The following DNAAF11 variants were observed in gnomAD, a reference collection of about 807,000 sequenced individuals.
The protein encoded by DNAAF11 is dynein axonemal assembly factor 11, also known as leucine rich repeat containing 6.
In DNAAF11, 45 loss-of-function variants were observed where a neutral mutation model predicts 60.8. The observed-to-expected ratio is 0.74, with a 90% CI of 0.58 to 0.95. The LOEUF (loss-of-function observed/expected upper bound fraction) is 0.95, where lower values mean the gene tolerates loss of function less well. Ranked by LOEUF, DNAAF11 falls within the 40% of genes least tolerant of loss-of-function variation. The pLI is 0.00. For missense variants in DNAAF11, 546 were observed against 546.2 expected, an observed-to-expected ratio of 1.00 and a Z score of 0.00; for synonymous variants, 191 against 183.5, an observed-to-expected ratio of 1.04 and a Z score of -0.33.
intron 8 of DNAAF11, 105 bp downstream of exon 8, chr8:132,614,933 T>G: frequency 1.6e-6 from 1 of 620,904 alleles, no homozygotes; most frequent in Non-Finnish European, 2.9e-6. Flanking sequence ...CATTTAACTA[T>G]AGGTCTAAGT....
At chr8:132,671,955 A>G (rs1825229547) in intron 1 of DNAAF11, among the ~76,000 whole-genome samples, 2 of 152,188 alleles carry the variant, frequency 1.3e-5, no homozygotes, top group African/African-American at 4.8e-5. Flanking sequence ...TAAACTTAGC[A>G]AAGATTTCTT....
At chr8:132,652,604 T>C (rs1366108734) in intron 3 of DNAAF11, among the ~76,000 whole-genome samples, 1 of 152,152 alleles carries the variant, frequency 6.6e-6, no homozygotes, top group East Asian at 1.9e-4. Context: ...TGGAATACTA[T>C]GCAGCCATAA....
the DNAAF11 span, among the ~76,000 whole-genome samples, chr8:132,701,857 A>T: frequency 6.6e-6 from 1 of 151,894 alleles, no homozygotes; most frequent in Admixed American, 6.6e-5. Context: ...CACATGATTG[A>T]CCCCAGATGG....
intron 3 of DNAAF11, among the ~76,000 whole-genome samples, chr8:132,647,249 G>A (rs757034270): frequency 6.6e-6 from 1 of 152,070 alleles, no homozygotes; most frequent in Non-Finnish European, 1.5e-5. Flanking sequence ...TAACTACTGG[G>A]TACATAACGA....
the DNAAF11 span, among the ~76,000 whole-genome samples, chr8:132,696,791 A>G: frequency 6.6e-6 from 1 of 152,212 alleles, no homozygotes. Context: ...ATGCAGAAAC[A>G]GAACACCAAA....
intron 11 of DNAAF11, among the ~76,000 whole-genome samples, chr8:132,583,433 T>A (rs1250984558): frequency 1.3e-5 from 2 of 152,172 alleles, no homozygotes; most frequent in Admixed American, 6.5e-5. Context: ...TTGGTAAATG[T>A]TAGCTGTCAT....
At chr8:132,666,205 C>G (rs1476066277) in intron 1 of DNAAF11, among the ~76,000 whole-genome samples, 1 of 152,082 alleles carries the variant, frequency 6.6e-6, no homozygotes, top group Non-Finnish European at 1.5e-5. Context: ...ATCCAATATA[C>G]CCATGTAACA....
intron 10 of DNAAF11, among the ~76,000 whole-genome samples, chr8:132,604,193 A>T (rs1310804212): frequency 6.6e-6 from 1 of 152,198 alleles, no homozygotes; most frequent in Non-Finnish European, 1.5e-5. Flanking sequence ...CTATAGACCC[A>T]CTTGACAATC....
intron 10 of DNAAF11, among the ~76,000 whole-genome samples, chr8:132,603,834 T>C (rs1343445515): frequency 5.3e-5 from 8 of 152,054 alleles, no homozygotes; most frequent in Admixed American, 2.0e-4. Context: ...AGAAAAAGTA[T>C]AGAGAGCAGA....
chr8:132,668,133 G>GT (rs1824816289), intron 1 of DNAAF11, among the ~76,000 whole-genome samples: 1 of 152,214 alleles, frequency 6.6e-6, no homozygotes, highest in South Asian at 2.1e-4. Flanking sequence ...TTACAAACAG[G>GT]TGAAGGTCAC....
Position 132,654,698 on chromosome 8 carries a change from C to CAA in DNAAF11, c.256+2130_256+2131dup, listed in dbSNP as rs34749688. 3.0e-3 allele frequency among the ~76,000 whole-genome samples: 407 copies of CAA among 134,024 alleles called. 2 individuals carry two copies. The highest frequency in any genetic ancestry group is 9.2e-3 in the African/African-American group (337 of 36,788). 87.9% of individuals were successfully genotyped at this position (134,024 alleles called of 152,430 possible). ...ACTAATAGGTTAAAGAAAAAAATTG[C>CAA]AAAAAAAAAAAATCAGAAAATACTT... On this transcript the variant is annotated intron_variant, in intron 3 of 11. Coordinates refer to ENST00000620350, the MANE Select transcript of DNAAF11 (RefSeq NM_012472.6).
intron 11 of DNAAF11, among the ~76,000 whole-genome samples, chr8:132,576,054 AGT>A (rs1814716020): frequency 6.6e-6 from 1 of 152,090 alleles, no homozygotes; most frequent in Non-Finnish European, 1.5e-5. Context: ...AGCAGTAGGG[AGT>A]GTGTTTATTT....
At position 132,633,134 on chromosome 8, in the gene DNAAF11, T is replaced by C. The variant is rs7834760; in HGVS notation, c.430-171A>G. On this transcript the variant is annotated intron_variant, in intron 4 of 11. Coordinates refer to ENST00000620350, the MANE Select transcript of DNAAF11 (RefSeq NM_012472.6). ...GTTCTAAATTAATGTATATTTCATA[T>C]AATTTACACAGTTTAAAAAATACCT... Among the ~76,000 whole-genome samples, 24,446 of 152,144 alleles carry C rather than the reference T, an allele frequency of 0.16. 3,053 individuals carry two copies. The highest frequency in any genetic ancestry group is 0.35 in the African/African-American group (14,357 of 41,476).
intron 4 of DNAAF11, among the ~76,000 whole-genome samples, chr8:132,634,473 G>A (rs1448081952): frequency 6.6e-6 from 1 of 151,992 alleles, no homozygotes; most frequent in Non-Finnish European, 1.5e-5. Flanking sequence ...CATTACTTAT[G>A]AGACCATAAT....
At chr8:132,697,531 T>A in the DNAAF11 span, among the ~76,000 whole-genome samples, 1 of 151,292 alleles carries the variant, frequency 6.6e-6, no homozygotes. Flanking sequence ...GGAAGGAGAA[T>A]CACTTGAACT....
chr8:132,616,137 T>C lies in DNAAF11; in HGVS notation c.915-1040A>G, dbSNP rs534825822. On this transcript the variant is annotated intron_variant, in intron 7 of 11. Transcript: ENST00000620350. ...GGCAGAGATTGCTATTTAGTTGCTA[T>C]CTGCTTCCCCTTTATTCCTAGTGAC... is the stretch of plus-strand genomic sequence containing the variant. 2.0e-5 allele frequency among the ~76,000 whole-genome samples: 3 copies of C among 152,270 alleles called. No homozygotes were observed. The South Asian group carries it at 6.2e-4, about 32-fold the overall frequency.
chr8:132,641,389 T>G (rs1421469573), intron 3 of DNAAF11, among the ~76,000 whole-genome samples: 1 of 152,192 alleles, frequency 6.6e-6, no homozygotes, highest in Admixed American at 6.5e-5. Flanking sequence ...TTTGAGTGTT[T>G]ATGACCTGTC....
intron 5 of DNAAF11, among the ~76,000 whole-genome samples, chr8:132,626,758 T>C (rs1421688125): frequency 6.6e-6 from 1 of 152,176 alleles, no homozygotes; most frequent in East Asian, 1.9e-4. Flanking sequence ...AAAAATTACA[T>C]GAAGCCTTTA....
chr8:132,674,046 A>AGGAGCAGGAGGAGG (rs1825448233), intron 1 of DNAAF11, among the ~76,000 whole-genome samples: 1 of 101,936 alleles, frequency 9.8e-6, no homozygotes, highest in African/African-American at 4.1e-5. Context: ...GCAGGAGCAG[A>AGGAGCAGGAGGAGG]AGGAGCAGGA....
Sources: allele counts gnomAD v4.1 joint callset (sites outside exome capture counted in the v4.1 genomes callset), GRCh38; gene constraint gnomAD v4.1.1; transcripts MANE v1.5; gene names NCBI Gene and HGNC (gene_info 2026-07-23, HGNC 2026-07-21).